The following ATP8A2 variants were observed in gnomAD, a reference collection of about 807,000 sequenced individuals.
The protein encoded by ATP8A2 is phospholipid-transporting ATPase IB.
Under a neutral mutation model 165.6 loss-of-function variants are expected in ATP8A2, and 100 were observed. The ratio of observed to expected loss-of-function variants is 0.60; its 90% CI spans 0.51 to 0.71. ATP8A2 has a LOEUF of 0.71. ATP8A2 is among the 30% of genes least tolerant of loss of function. The pLI is 0.00. For synonymous variants in ATP8A2, 543 were observed against 548.8 expected (o/e 0.99, Z 0.15); for missense variants, 1,227 against 1,479.5 (o/e 0.83, Z 2.80).
In ATP8A2 at chr13:25,831,409, T is replaced by C. The variant is rs185059359; in HGVS notation, c.2754+3217T>C. 7.2e-3 allele frequency among the ~76,000 whole-genome samples: 1,095 copies of C among 152,028 alleles called. 11 individuals carry two copies. Among genetic ancestry groups the C allele is most frequent in the African/African-American group, 0.025 (1,053 of 41,474 alleles). On this transcript the variant is annotated intron_variant, in intron 28 of 36. Transcript: ENST00000381655. The stretch of plus-strand genomic sequence containing the variant: ...TTTGTATTTTTAGTAGAGATGAGGT[T>C]TCACTGTGTTAGCCAGGATGGTCTC...
At chr13:25,643,848 A>G (rs1316999199) in intron 24 of ATP8A2, among the ~76,000 whole-genome samples, 1 of 151,862 alleles carries the variant, frequency 6.6e-6, no homozygotes, top group African/African-American at 2.4e-5. Context: ...TGCCTTGTGT[A>G]GCATGGACAA....
intron 35 of ATP8A2, among the ~76,000 whole-genome samples, chr13:25,978,295 C>G (rs1260091943): frequency 1.3e-5 from 2 of 152,150 alleles, no homozygotes; most frequent in Admixed American, 6.5e-5. Flanking sequence ...TCTGGGATCT[C>G]TTTGCTAATC....
At chr13:25,605,343 G>A (rs1044424461) in intron 24 of ATP8A2, among the ~76,000 whole-genome samples, 4 of 152,016 alleles carry the variant, frequency 2.6e-5, no homozygotes, top group African/African-American at 9.7e-5. Flanking sequence ...TTTGTTCTGA[G>A]GATAATTTAG....
At position 25,969,370 on chromosome 13, in the gene ATP8A2, G is replaced by A. The variant is rs556520778; in HGVS notation, c.3377+691G>A. On this transcript the variant is annotated intron_variant, in intron 35 of 36. Coordinates refer to ENST00000381655, the MANE Select transcript of ATP8A2 (RefSeq NM_016529.6). The stretch of plus-strand genomic sequence containing the variant: ...GTACCATCAAGGGAAATTTCTTTGG[G>A]CCTGAGAACAATTTGCAGGGTACTA... Among the ~76,000 whole-genome samples the A allele has an allele frequency of 1.2e-4, 18 of 152,226 alleles. No homozygotes were observed. In the South Asian group the frequency reaches 3.7e-3, roughly 32 times the overall value.
rs562130135 is a variant in ATP8A2, at chr13:25,953,697, G to A, written c.3184-7878G>A. Among the ~76,000 whole-genome samples, 27 of 152,160 alleles carry A rather than the reference G, an allele frequency of 1.8e-4. No homozygotes were observed. Among genetic ancestry groups the A allele is most frequent in the South Asian group, 4.2e-4 (2 of 4,814 alleles). ...TGGTTAGATAGTGGGTGCAGCCCACGGAGGGCAAGCCGAAGCAGGGTGGGG... is the reference window on the plus strand; with the variant it reads ...TGGTTAGATAGTGGGTGCAGCCCACAGAGGGCAAGCCGAAGCAGGGTGGGG... On this transcript the variant is annotated intron_variant, in intron 33 of 36. Coordinates refer to ENST00000381655, the MANE Select transcript of ATP8A2 (RefSeq NM_016529.6). This position sits in a 1 kb window ranked among gnomAD's most constrained non-coding sequence, Gnocchi z 6.7.
intron 1 of ATP8A2, among the ~76,000 whole-genome samples, chr13:25,438,037 T>C (rs1593307941): frequency 6.6e-6 from 1 of 152,300 alleles, no homozygotes; most frequent in African/African-American, 2.4e-5. Flanking sequence ...TGTTCATAAT[T>C]ATTTTTATTG....
At chr13:25,793,309 C>A (rs1296601782) in intron 27 of ATP8A2, among the ~76,000 whole-genome samples, 2 of 152,116 alleles carry the variant, frequency 1.3e-5, no homozygotes, top group Non-Finnish European at 2.9e-5. Context: ...TGAGTTATTG[C>A]CTAGAGGTTT....
rs1593680306 is a variant in ATP8A2, at chr13:25,627,222, A to ATT, written c.2211+37523_2211+37524insTT. Among the ~76,000 whole-genome samples, 3 of 152,238 alleles carry ATT rather than the reference A, an allele frequency of 2.0e-5. No individual in the cohort carries two copies. The East Asian group carries it at 5.8e-4, about 29-fold the overall frequency. On this transcript the variant is annotated intron_variant, in intron 24 of 36. Coordinates refer to ENST00000381655, the MANE Select transcript of ATP8A2 (RefSeq NM_016529.6). ...CGCCAAGGTGGTACAGTGGCAGAAT[A>ATT]CATAGGAGGTGGTGTGGCAGAGCCT...
intron 2 of ATP8A2, among the ~76,000 whole-genome samples, chr13:25,520,806 A>G (rs988064400): frequency 2.6e-5 from 4 of 151,866 alleles, no homozygotes; most frequent in African/African-American, 4.8e-5. Flanking sequence ...AGTAGAGACA[A>G]GGTTTCACCA....
chr13:25,902,939 GCACACACACA>G (rs3221410), intron 33 of ATP8A2, among the ~76,000 whole-genome samples: 4 of 140,442 alleles, frequency 2.8e-5, no homozygotes, highest in Non-Finnish European at 4.6e-5. Flanking sequence ...TCCTCAGCAT[GCACACACACA>G]CACACACACA....
At chr13:25,694,928 C>T (rs2042803995) in intron 24 of ATP8A2, among the ~76,000 whole-genome samples, 1 of 152,144 alleles carries the variant, frequency 6.6e-6, no homozygotes, top group Admixed American at 6.5e-5. Flanking sequence ...GGTGATCCTC[C>T]CTCTTTGGCA....
chr13:25,373,630 A>G (rs1221685816), intron 1 of ATP8A2, among the ~76,000 whole-genome samples: 1 of 152,202 alleles, frequency 6.6e-6, no homozygotes, highest in African/African-American at 2.4e-5. Context: ...CAAGAAAAGA[A>G]TCAAAGATGC....
rs2044707017 is a variant in ATP8A2, at chr13:25,774,880, A to G, written c.2600A>G (p.His867Arg). ...FSYLEKLLLV[H>R]GAWSYNRVTK... ...TACTTAGAGAAGCTTCTGTTGGTTC[A>G]TGGAGCCTGGAGCTACAACCGGGTG... Residue 867 changes from histidine (H) to arginine (R), a missense_variant, in exon 27 of 37, where the codon CAT becomes CGT. This residue lies in a region of ATP8A2 where 592 missense variants were observed against 785.6 expected (regional missense o/e 0.75). Coordinates refer to ENST00000381655, the MANE Select transcript of ATP8A2 (RefSeq NM_016529.6). The G allele has an allele frequency of 1.2e-6, 2 of 1,613,576 alleles. No homozygotes were observed. The highest frequency in any genetic ancestry group is 1.7e-6 in the Non-Finnish European group (2 of 1,179,642).
chr13:25,648,755 T>C (rs933886725), intron 24 of ATP8A2, among the ~76,000 whole-genome samples: 1 of 152,236 alleles, frequency 6.6e-6, no homozygotes, highest in South Asian at 2.1e-4. Flanking sequence ...CTAGATTACA[T>C]GTAATATGTA....
intron 10 of ATP8A2, among the ~76,000 whole-genome samples, chr13:25,549,093 G>T (rs113749583): frequency 0.011 from 1,728 of 152,214 alleles, 33 homozygotes; most frequent in African/African-American, 0.04. Flanking sequence ...TTGGCACAAG[G>T]TACCATTTTT....
At chr13:25,726,864 T>C (rs2043505604) in intron 25 of ATP8A2, among the ~76,000 whole-genome samples, 1 of 152,122 alleles carries the variant, frequency 6.6e-6, no homozygotes, top group South Asian at 2.1e-4. Context: ...TTTGAGGGTC[T>C]GGAGGTAAAA....
At chr13:25,563,125 G>A (rs969638830) in intron 15 of ATP8A2, among the ~76,000 whole-genome samples, 7 of 152,332 alleles carry the variant, frequency 4.6e-5, no homozygotes, top group East Asian at 1.9e-4. Flanking sequence ...AGTTTCAAGA[G>A]GAGGCCAGGT....
At chr13:25,650,308 A>AG (rs1367688201) in intron 24 of ATP8A2, among the ~76,000 whole-genome samples, 2 of 152,106 alleles carry the variant, frequency 1.3e-5, no homozygotes, top group African/African-American at 2.4e-5. Context: ...TTTGTGGGGT[A>AG]GGGGGGTAGT....
chr13:25,775,912 G>C (rs189064744), intron 27 of ATP8A2, among the ~76,000 whole-genome samples: 15 of 152,318 alleles, frequency 9.8e-5, no homozygotes, highest in Non-Finnish European at 2.1e-4. Context: ...TAAGGTAGCT[G>C]TAACTAACTA....
Sources: gnomAD v4.1 joint callset for allele counts (sites outside exome capture counted in the v4.1 genomes callset) on GRCh38, gnomAD v4.1.1 for gene constraint, gnomAD v4.1.1 regional missense constraint, Gnocchi (gnomAD v3.1) non-coding constraint, MANE v1.5 for transcripts, NCBI Gene and HGNC (gene_info 2026-07-23, HGNC 2026-07-21) for gene names.